Variants in EFCAB11 observed in about 807,000 individuals in gnomAD.
The protein encoded by EFCAB11 is EF-hand calcium-binding domain-containing protein 11.
EFCAB11 carries 14 observed loss-of-function variants against 23.0 expected under a neutral mutation model. That is an observed-to-expected ratio of 0.61 (90% confidence interval 0.40 to 0.95). EFCAB11 has a LOEUF of 0.95. Among genes scored for constraint, EFCAB11 ranks in the 40% least tolerant of loss-of-function variants. EFCAB11 has a pLI of 0.00. For synonymous variants in EFCAB11, 65 were observed against 66.6 expected (o/e 0.98, Z 0.11); for missense variants, 198 against 195.8 (o/e 1.01, Z -0.07).
intron 5 of EFCAB11, among the ~76,000 whole-genome samples, chr14:89,920,869 G>A (rs1050648405): frequency 2.6e-5 from 4 of 151,874 alleles, no homozygotes; most frequent in Admixed American, 6.6e-5. Flanking sequence ...GTTTGAGACC[G>A]GCCTGGCCAA....
intron 5 of EFCAB11, among the ~76,000 whole-genome samples, chr14:89,845,232 T>C (rs1053794636): frequency 6.6e-6 from 1 of 152,172 alleles, no homozygotes; most frequent in Non-Finnish European, 1.5e-5. Flanking sequence ...GCATCATGAG[T>C]TCATCCAAGT....
chr14:89,813,862 T>C (rs1205438698), intron 5 of EFCAB11, among the ~76,000 whole-genome samples: 1 of 152,174 alleles, frequency 6.6e-6, no homozygotes, highest in East Asian at 1.9e-4. Flanking sequence ...AAAGAAAAGA[T>C]GTTACGGGCA....
intron 5 of EFCAB11, among the ~76,000 whole-genome samples, chr14:89,846,923 A>G (rs1887448501): frequency 6.6e-6 from 1 of 151,498 alleles, no homozygotes. Flanking sequence ...CTATCTCCTA[A>G]GGAAGGGTCT....
Position 89,834,395 on chromosome 14 carries a change from A to AC in EFCAB11, c.411-37072_411-37071insG, listed in dbSNP as rs1336279306. 2.7e-4 allele frequency among the ~76,000 whole-genome samples: 41 copies of AC among 150,300 alleles called. 4 individuals carry two copies. The highest frequency in any genetic ancestry group is 3.5e-4 in the Non-Finnish European group (24 of 67,754). On this transcript the variant is annotated intron_variant, in intron 5 of 5. Transcript: ENST00000316738. Reference sequence around the variant, plus strand: ...CGTCTCAAAAAAAAAAAAAAAAAAAAAAAAAAAACCTTTTTGTTTAAACTT... The same window carrying AC: ...CGTCTCAAAAAAAAAAAAAAAAAAAACAAAAAAAACCTTTTTGTTTAAACTT...
chr14:89,928,644 A>T (rs570998293), intron 5 of EFCAB11, among the ~76,000 whole-genome samples: 1 of 149,632 alleles, frequency 6.7e-6, no homozygotes, highest in South Asian at 2.1e-4. Context: ...ATCTTTCCTG[A>T]TATCTTGCTA....
chr14:89,937,922 T>A (rs1890647967), intron 3 of EFCAB11: 3 of 152,122 alleles, frequency 2.0e-5, no homozygotes, highest in African/African-American at 7.2e-5. Flanking sequence ...AAGATTATTT[T>A]TTTTTACTTG....
chr14:89,821,429 T>C (rs993053365), intron 5 of EFCAB11, among the ~76,000 whole-genome samples: 2 of 152,152 alleles, frequency 1.3e-5, no homozygotes, highest in African/African-American at 4.8e-5. Flanking sequence ...ATAAATCCTA[T>C]TGTGTCTGTT....
At chr14:89,825,587 TG>T (rs1214217548) in intron 5 of EFCAB11, among the ~76,000 whole-genome samples, 1 of 152,004 alleles carries the variant, frequency 6.6e-6, no homozygotes, top group East Asian at 1.9e-4. Flanking sequence ...GCTAGACTGA[TG>T]GGGGAGGGGA....
intron 3 of EFCAB11, among the ~76,000 whole-genome samples, chr14:89,940,017 G>A (rs1371786445): frequency 7.9e-5 from 12 of 152,156 alleles, no homozygotes; most frequent in African/African-American, 2.7e-4. Flanking sequence ...GATTACAGGC[G>A]TGAGCCACCG....
chr14:89,922,902 C>T (rs746923774), intron 5 of EFCAB11, among the ~76,000 whole-genome samples: 1 of 152,076 alleles, frequency 6.6e-6, no homozygotes, highest in Non-Finnish European at 1.5e-5. Flanking sequence ...CAGAGTAGGG[C>T]CGGCTTTCAA....
chr14:89,833,472 A>G (rs1218298781), intron 5 of EFCAB11, among the ~76,000 whole-genome samples: 1 of 152,246 alleles, frequency 6.6e-6, no homozygotes, highest in East Asian at 1.9e-4. Context: ...TGTCGGATGA[A>G]TGATGAATGA....
intron 3 of EFCAB11, among the ~76,000 whole-genome samples, chr14:89,936,276 G>GA (rs1310147378): frequency 1.3e-5 from 2 of 151,736 alleles, no homozygotes; most frequent in East Asian, 1.9e-4. Flanking sequence ...AATTCACAAG[G>GA]AAAAAAAAGG....
intron 5 of EFCAB11, among the ~76,000 whole-genome samples, chr14:89,929,022 A>AAC (rs1281336565): frequency 1.4e-5 from 2 of 145,318 alleles, no homozygotes; most frequent in Non-Finnish European, 1.5e-5. Context: ...TGGACATATA[A>AAC]ATACATACAT....
intron 5 of EFCAB11, among the ~76,000 whole-genome samples, chr14:89,799,978 G>C (rs1220650074): frequency 1.3e-5 from 2 of 152,150 alleles, no homozygotes; most frequent in African/African-American, 4.8e-5. Flanking sequence ...CTGAGGTCAG[G>C]AGTTCGAGAC....
rs868583347 is a variant in EFCAB11 at position 89,954,412 on chromosome 14, G to A, written c.75+174C>T. Reference sequence around the variant, plus strand: ...GAACTTGGAGGTAGCCGTAGTCCTGGACGGGGAGCCAGGAGCCCTGCAGCT... The same window carrying A: ...GAACTTGGAGGTAGCCGTAGTCCTGAACGGGGAGCCAGGAGCCCTGCAGCT... On this transcript the variant is annotated intron_variant, in intron 1 of 5. Transcript: ENST00000316738. The A allele has an allele frequency of 1.4e-5, 21 of 1,536,460 alleles. No homozygotes were observed. The Middle Eastern group carries it at 5.0e-4, about 37-fold the overall frequency.
At chr14:89,805,595 A>C (rs1203284390) in intron 5 of EFCAB11, among the ~76,000 whole-genome samples, 3 of 152,200 alleles carry the variant, frequency 2.0e-5, no homozygotes, top group Admixed American at 2.0e-4. Flanking sequence ...ACAGGCTTTT[A>C]AGTGTTAATT....
chr14:89,834,069 T>C (rs751300786), intron 5 of EFCAB11, among the ~76,000 whole-genome samples: 1 of 151,998 alleles, frequency 6.6e-6, no homozygotes, highest in Non-Finnish European at 1.5e-5. Flanking sequence ...AAAGAAAAGT[T>C]TGTGGCCGTG....
intron 5 of EFCAB11, among the ~76,000 whole-genome samples, chr14:89,833,761 G>A (rs1886963663): frequency 6.6e-6 from 1 of 152,082 alleles, no homozygotes; most frequent in South Asian, 2.1e-4. Context: ...GTCTTTTTAA[G>A]GTTTCTTTCT....
intron 5 of EFCAB11, among the ~76,000 whole-genome samples, chr14:89,858,789 A>G (rs1441035936): frequency 1.3e-5 from 2 of 149,198 alleles, no homozygotes; most frequent in Non-Finnish European, 3.0e-5. Flanking sequence ...GCCAATGATG[A>G]GGTTTTTGTA....
Sources: allele counts gnomAD v4.1 joint callset (sites outside exome capture counted in the v4.1 genomes callset), GRCh38; gene constraint gnomAD v4.1.1; transcripts MANE v1.5; gene names NCBI Gene and HGNC (gene_info 2026-07-23, HGNC 2026-07-21).